The following STN1 variants were observed in gnomAD, a reference collection of about 807,000 sequenced individuals.
The protein encoded by STN1 is STN1 subunit of CST complex.
A neutral mutation model predicts 45.5 loss-of-function variants in STN1; 29 were observed. That is an observed-to-expected ratio of 0.64 (90% CI 0.47 to 0.87). The LOEUF (loss-of-function observed/expected upper bound fraction) is 0.87. Among genes scored for constraint, STN1 ranks in the 40% least tolerant of loss-of-function variants. The probability of loss-of-function intolerance (pLI) is 0.00; values close to 1 mark genes in which losing one functional copy is unlikely to be tolerated. For missense variants in STN1, 376 were observed against 441.4 expected, an observed-to-expected ratio of 0.85 and a Z score of 1.33; for synonymous variants, 148 against 159.0, an observed-to-expected ratio of 0.93 and a Z score of 0.52.
intron 3 of STN1, among the ~76,000 whole-genome samples, chr10:103,910,158 T>A (rs931172656): frequency 1.3e-5 from 2 of 152,204 alleles, no homozygotes; most frequent in African/African-American, 4.8e-5. Context: ...ATTAATCTGG[T>A]CTTCGCTTTT....
At chr10:103,884,740 T>C (rs1291881309) in intron 9 of STN1, among the ~76,000 whole-genome samples, 1 of 152,210 alleles carries the variant, frequency 6.6e-6, no homozygotes, top group Non-Finnish European at 1.5e-5. Context: ...TCTGTAGCTT[T>C]GGGCAAGCCA....
At chr10:103,902,956 ACT>A (rs1218692196) in intron 4 of STN1, among the ~76,000 whole-genome samples, 3 of 152,148 alleles carry the variant, frequency 2.0e-5, no homozygotes, top group African/African-American at 7.2e-5. Context: ...TAAAAATCTG[ACT>A]CTCAGTATTA....
At position 103,897,530 on chromosome 10, in the gene STN1, T is replaced by C; in HGVS notation, c.753+18A>G. On this transcript the variant is annotated intron_variant, in intron 7 of 9. Coordinates refer to ENST00000224950, the MANE Select transcript of STN1 (RefSeq NM_024928.5). ...GGGGCAGGGAACCAGAATTCTCACA[T>C]GGGCATGCTGCACTCACTTGGTCGG... is the stretch of plus-strand genomic sequence containing the variant. 1.2e-6 allele frequency: 2 copies of C among 1,611,922 alleles called. No individual in the cohort carries two copies. Among genetic ancestry groups the C allele is most frequent in the Non-Finnish European group, 1.7e-6 (2 of 1,178,510 alleles).
chr10:103,886,779 A>C (rs1843106288), intron 9 of STN1, among the ~76,000 whole-genome samples: 1 of 152,160 alleles, frequency 6.6e-6, no homozygotes, highest in African/African-American at 2.4e-5. Context: ...TCTTATAAAA[A>C]CCCATCTTGT....
intron 2 of STN1, among the ~76,000 whole-genome samples, chr10:103,911,311 G>T (rs907355926): frequency 6.6e-6 from 1 of 152,118 alleles, no homozygotes; most frequent in African/African-American, 2.4e-5. Context: ...TCAGAGCAGG[G>T]AGTCCCTGAT....
At chr10:103,888,165 T>C (rs1442696976) in intron 9 of STN1, among the ~76,000 whole-genome samples, 5 of 152,252 alleles carry the variant, frequency 3.3e-5, no homozygotes, top group Admixed American at 6.5e-5. Flanking sequence ...TAACTAGGGC[T>C]GTCTACCATA....
chr10:103,897,312 C>CG (rs1554836515), intron 7 of STN1, among the ~76,000 whole-genome samples: 2 of 40,526 alleles, frequency 4.9e-5, no homozygotes, highest in African/African-American at 9.5e-5. Context: ...ACTCTGTCTC[C>CG]GAAAAAAAAA....
intron 9 of STN1, among the ~76,000 whole-genome samples, chr10:103,884,812 A>G (rs1047715731): frequency 6.6e-6 from 1 of 152,162 alleles, no homozygotes; most frequent in African/African-American, 2.4e-5. Context: ...TTCCAACCCT[A>G]AGGTTCAGAG....
At chr10:103,885,054 C>A (rs975141228) in intron 9 of STN1, among the ~76,000 whole-genome samples, 15 of 152,152 alleles carry the variant, frequency 9.9e-5, no homozygotes, top group Non-Finnish European at 1.0e-4. Context: ...AGAATTCAAG[C>A]CCTGGCTCTA....
chr10:103,890,103 G>A (rs957503337), intron 8 of STN1, among the ~76,000 whole-genome samples: 1 of 151,742 alleles, frequency 6.6e-6, no homozygotes, highest in South Asian at 2.1e-4. Context: ...AAAAAAGAGA[G>A]AAAGAGAAAG....
chr10:103,897,743 G>T (rs1485362360), intron 6 of STN1, 24 bp from the exon 7 acceptor site: 1 of 1,609,632 alleles, frequency 6.2e-7, no homozygotes, highest in Non-Finnish European at 8.5e-7. Context: ...GTTTTAAAGA[G>T]CTCTGCAGAA....
Position 103,897,706 on chromosome 10 carries a change from G to A in STN1, c.595C>T (p.Leu199=), listed in dbSNP as rs1353325627. ...AAACTCGTGAGACTGGGGAGGTCCA[G>A]GGCGCCTGGATTGCTGCGGAGGGAA... The part of the protein sequence containing the change: ...KEEALSNPGA[L]DLPSLTSLLS... Residue 199 remains leucine (L), a synonymous_variant, in exon 7 of 10, where the codon CTG becomes TTG. Transcript: ENST00000224950. 5 of 1,614,136 alleles carry A rather than the reference G, an allele frequency of 3.1e-6. No individual in the cohort carries two copies. Among genetic ancestry groups the A allele is most frequent in the Non-Finnish European group, 4.2e-6 (5 of 1,179,992 alleles).
intron 4 of STN1, among the ~76,000 whole-genome samples, chr10:103,904,174 G>C (rs759541628): frequency 1.3e-4 from 20 of 151,978 alleles, no homozygotes; most frequent in Non-Finnish European, 2.8e-4. Context: ...AGTGTTTACT[G>C]AATAACCCCA....
rs751203227 is a variant in STN1 at position 103,880,158 on chromosome 10, AT to A, written c.*2525del. ...AAGAGTGAGCAAAGCTGGGAGTTTT[AT>A]TGAGTGATGAAACAGTTTTCAACAG... On this transcript the variant is annotated 3_prime_UTR_variant, in exon 10 of 10. Transcript: ENST00000224950. Among the ~76,000 whole-genome samples, 8 of 152,190 alleles carry A rather than the reference AT, an allele frequency of 5.3e-5. No homozygotes were observed. Among genetic ancestry groups the A allele is most frequent in the Non-Finnish European group, 1.2e-4 (8 of 68,034 alleles).
intron 4 of STN1, among the ~76,000 whole-genome samples, chr10:103,901,466 T>C (rs1239459205): frequency 6.6e-6 from 1 of 152,152 alleles, no homozygotes; most frequent in Non-Finnish European, 1.5e-5. Flanking sequence ...CAGAAAGACC[T>C]GACGTGAATC....
At chr10:103,917,258 TAAAAAAAA>T (rs5787502) in intron 2 of STN1, among the ~76,000 whole-genome samples, 196 bp downstream of exon 2, 1 of 90,686 alleles carries the variant, frequency 1.1e-5, no homozygotes, top group Non-Finnish European at 2.2e-5. Flanking sequence ...AAACACCTAC[TAAAAAAAA>T]AAAAAAAAAA....
chr10:103,908,102 G>A (rs544518496), intron 3 of STN1, among the ~76,000 whole-genome samples: 70 of 150,210 alleles, frequency 4.7e-4, no homozygotes, highest in East Asian at 9.8e-4. Flanking sequence ...GCACTCCAGC[G>A]TGGGCCACAG....
Position 103,897,838 on chromosome 10 carries a change from T to A in STN1, c.582-119A>T, listed in dbSNP as rs1589499180. On this transcript the variant is annotated intron_variant, in intron 6 of 9. Transcript: ENST00000224950. ...ACACTATATTGGAGTTTGTTTTTCA[T>A]ATACAGAGTAATATATACAGGGAAC... The A allele has an allele frequency of 1.1e-5, 10 of 905,992 alleles. No homozygotes were observed. The East Asian group carries it at 2.3e-4, about 21-fold the overall frequency. 56.1% of individuals were successfully genotyped at this position (905,992 alleles called of 1,614,324 possible).
rs776552307 is a variant in STN1, at chr10:103,882,746, C to T, written c.1045G>A (p.Glu349Lys). 33 of 1,614,082 alleles carry T rather than the reference C, an allele frequency of 2.0e-5. No homozygotes were observed. Among genetic ancestry groups the T allele is most frequent in the Non-Finnish European group, 2.7e-5 (32 of 1,180,048 alleles). The stretch of plus-strand genomic sequence containing the variant: ...ATGTCACTCTGGTCCTCCAGGAGCT[C>T]CAGAACTTGCTGCAGCACAGCCTCG... ...LSEAVLQQVLELLEDQSDIVS... is the reference protein window; with the variant it reads ...LSEAVLQQVLKLLEDQSDIVS... Residue 349 changes from glutamate to lysine, a missense_variant, in exon 10 of 10, where the codon GAG becomes AAG. Physicochemically the swap from Glu to Lys is moderately conservative, Grantham distance 56. Transcript: ENST00000224950.
Sources: gnomAD v4.1 joint callset for allele counts (sites outside exome capture counted in the v4.1 genomes callset) on GRCh38, gnomAD v4.1.1 for gene constraint, MANE v1.5 for transcripts, NCBI Gene and HGNC (gene_info 2026-07-23, HGNC 2026-07-21) for gene names.